The following IL1RAPL2 variants were observed in gnomAD, a reference collection of about 807,000 sequenced individuals.
IL1RAPL2 encodes the protein X-linked interleukin-1 receptor accessory protein-like 2.
IL1RAPL2 carries 3 observed loss-of-function variants against 44.1 expected under a neutral mutation model. The observed-to-expected ratio is 0.07, with a 90% CI of 0.03 to 0.18. The LOEUF is 0.18. Ranked by LOEUF, IL1RAPL2 falls within the 10% of genes least tolerant of loss-of-function variation. The pLI is 1.00. For synonymous variants in IL1RAPL2, 181 were observed against 178.8 expected, an observed-to-expected ratio of 1.01 and a Z score of -0.10; for missense variants, 391 against 496.4, an observed-to-expected ratio of 0.79 and a Z score of 2.02.
At chrX:105,638,048 A>G (rs752256714) in intron 6 of IL1RAPL2, among the ~76,000 whole-genome samples, 11 of 110,056 alleles carry the variant, frequency 1.0e-4, no homozygotes, top group African/African-American at 3.6e-4. Flanking sequence ...ATTTCCATTC[A>G]TTTGCAGACT....
intron 6 of IL1RAPL2, among the ~76,000 whole-genome samples, chrX:105,653,976 CAA>C (rs1243769754): frequency 9.1e-6 from 1 of 110,041 alleles, no homozygotes; most frequent in East Asian, 2.9e-4. Context: ...TGCACACACA[CAA>C]ACACACACAC....
At chrX:105,206,207 C>T (rs367631112) in intron 3 of IL1RAPL2, among the ~76,000 whole-genome samples, 1 of 111,662 alleles carries the variant, frequency 9.0e-6, no homozygotes. Flanking sequence ...AGAGTAAGCA[C>T]TCCATACATT....
intron 6 of IL1RAPL2, among the ~76,000 whole-genome samples, chrX:105,664,395 G>C (rs1014346367): frequency 8.9e-6 from 1 of 111,749 alleles, no homozygotes; most frequent in Non-Finnish European, 1.9e-5. Flanking sequence ...TTTATGATAG[G>C]ATTGCTCCTA....
intron 2 of IL1RAPL2, among the ~76,000 whole-genome samples, chrX:104,924,814 C>T (rs1924733879): frequency 9.0e-6 from 1 of 110,686 alleles, no homozygotes; most frequent in Non-Finnish European, 1.9e-5. Context: ...CAAACCAAAC[C>T]CAAAGCTAGC....
intron 2 of IL1RAPL2, among the ~76,000 whole-genome samples, chrX:104,915,980 T>G (rs1305710166): frequency 1.8e-5 from 2 of 112,091 alleles, no homozygotes; most frequent in African/African-American, 6.5e-5. Context: ...AGCCTTGTAG[T>G]ATAGTTTGAA....
intron 2 of IL1RAPL2, among the ~76,000 whole-genome samples, chrX:104,884,111 A>G (rs1251966683): frequency 9.1e-6 from 1 of 110,232 alleles, no homozygotes; most frequent in Non-Finnish European, 1.9e-5. Context: ...GAGGACAGGC[A>G]AGGGTGCAGG....
chrX:105,265,655 A>T (rs2034396283), intron 4 of IL1RAPL2, among the ~76,000 whole-genome samples: 1 of 111,500 alleles, frequency 9.0e-6, no homozygotes, highest in Non-Finnish European at 1.9e-5. Flanking sequence ...TAAAGCAAGC[A>T]TATCTCTTAA....
chrX:105,599,329 G>T (rs1334776546), intron 6 of IL1RAPL2, among the ~76,000 whole-genome samples: 2 of 111,513 alleles, frequency 1.8e-5, no homozygotes, highest in African/African-American at 6.5e-5. Flanking sequence ...TTGATTTCAT[G>T]AAACAAAACA....
At chrX:105,560,202 ACCT>A (rs2036924969) in intron 6 of IL1RAPL2, among the ~76,000 whole-genome samples, 1 of 111,512 alleles carries the variant, frequency 9.0e-6, no homozygotes, top group South Asian at 3.8e-4. Flanking sequence ...AAAGAAGGTA[ACCT>A]CCTCAAGGGT....
At chrX:105,115,898 G>A (rs1020118803) in intron 2 of IL1RAPL2, among the ~76,000 whole-genome samples, 3 of 113,050 alleles carry the variant, frequency 2.7e-5, no homozygotes, top group Non-Finnish European at 5.6e-5. Flanking sequence ...GCCCTGCCCC[G>A]CAGAGAGGCA....
At chrX:105,236,578 G>C (rs138013876) in intron 4 of IL1RAPL2, among the ~76,000 whole-genome samples, 1,328 of 111,437 alleles carry the variant, frequency 0.012, 5 homozygotes, top group Non-Finnish European at 0.018. Context: ...ACAGTAGTTT[G>C]TGACTTGCAG....
chrX:105,525,265 G>A (rs2036588168), intron 6 of IL1RAPL2, among the ~76,000 whole-genome samples: 1 of 110,945 alleles, frequency 9.0e-6, no homozygotes, highest in South Asian at 3.7e-4. Flanking sequence ...CTGCTATGAA[G>A]GATCAAAGGT....
At chrX:104,591,313 A>C (rs757756086) in intron 1 of IL1RAPL2, among the ~76,000 whole-genome samples, 15 of 111,078 alleles carry the variant, frequency 1.4e-4, no homozygotes, top group African/African-American at 4.9e-4. Context: ...CACTCCCATA[A>C]CCAACAGAAA....
chrX:104,855,769 A>T (rs1922349068), intron 2 of IL1RAPL2, among the ~76,000 whole-genome samples: 1 of 102,547 alleles, frequency 9.8e-6, no homozygotes, highest in African/African-American at 3.6e-5. Flanking sequence ...GACCCAAGCG[A>T]TCCTCCTGCC....
chrX:105,244,427 G>A (rs1333774468), intron 4 of IL1RAPL2, among the ~76,000 whole-genome samples: 2 of 111,422 alleles, frequency 1.8e-5, no homozygotes, highest in African/African-American at 6.5e-5. Context: ...GATATAAGAG[G>A]CCTCTAACTG....
intron 6 of IL1RAPL2, among the ~76,000 whole-genome samples, chrX:105,691,307 A>T (rs185194783): frequency 9.1e-4 from 102 of 111,610 alleles, no homozygotes; most frequent in African/African-American, 3.1e-3. Context: ...GTCCAAATCA[A>T]TCAGATGGTC....
chrX:104,890,041 C>G (rs183858839), intron 2 of IL1RAPL2, among the ~76,000 whole-genome samples: 1 of 111,019 alleles, frequency 9.0e-6, no homozygotes, highest in Non-Finnish European at 1.9e-5. Flanking sequence ...TGAGTGAGAA[C>G]ATGCAGTGTT....
At position 104,981,868 on chromosome X, in the gene IL1RAPL2, TTTGTGTGTG is replaced by T. The variant is rs201806903; in HGVS notation, c.83-213603_83-213595del. On this transcript the variant is annotated intron_variant, in intron 2 of 10. Transcript: ENST00000372582. ...TTATGTGATGAATCATATTTATTGG[TTTGTGTGTG>T]TTGAACCAACCTTCCAAATACAGCA... is the stretch of plus-strand genomic sequence containing the variant. Among the ~76,000 whole-genome samples, 185 of 111,327 alleles carry T rather than the reference TTTGTGTGTG, an allele frequency of 1.7e-3. No homozygotes were observed. The East Asian group carries it at 0.041, about 25-fold the overall frequency.
chrX:105,089,821 G>A (rs1181896954), intron 2 of IL1RAPL2, among the ~76,000 whole-genome samples: 2 of 111,743 alleles, frequency 1.8e-5, no homozygotes, highest in Non-Finnish European at 3.8e-5. Context: ...CAGTGAATAA[G>A]AGGACTCACT....
Sources: gnomAD v4.1 joint callset for allele counts (sites outside exome capture counted in the v4.1 genomes callset) on GRCh38, gnomAD v4.1.1 for gene constraint, MANE v1.5 for transcripts, NCBI Gene and HGNC (gene_info 2026-07-23, HGNC 2026-07-21) for gene names.